BSN: variants seen among roughly 807,000 people sequenced by gnomAD.
The protein encoded by BSN is protein bassoon.
A neutral mutation model predicts 264.8 loss-of-function variants in BSN; 57 were observed. The observed-to-expected ratio is 0.22, with a 90% CI of 0.17 to 0.27. The LOEUF is 0.27. Among genes scored for constraint, BSN ranks in the 10% least tolerant of loss-of-function variants. The probability of loss-of-function intolerance (pLI) is 1.00; values close to 1 mark genes in which losing one functional copy is unlikely to be tolerated. For missense variants in BSN, 4,615 were observed against 5,232.5 expected (o/e 0.88, Z 3.64); for synonymous variants, 2,059 against 2,137.3 (o/e 0.96, Z 1.01).
rs778106224 is a variant in BSN, at chr3:49,651,898, T to C, written c.2342T>C (p.Leu781Pro). Reference protein sequence around the residue: ...FDSDEELEDILEEDEDSAEWR... With the variant: ...FDSDEELEDIPEEDEDSAEWR... ...TCTGATGAGGAGCTGGAGGATATCC[T>C]GGAGGAAGACGAAGACTCTGCTGAG... is the stretch of plus-strand genomic sequence containing the variant. Residue 781 changes from leucine (L) to proline (P), a missense_variant, in exon 5 of 12, where the codon CTG becomes CCG. Around this residue, in one of 3 missense-constraint regions of BSN, gnomAD observed 1,197 missense variants for 1,348.0 expected, o/e 0.89. Transcript: ENST00000296452. The surrounding 1 kb of genome is among the most constrained non-coding windows in gnomAD (Gnocchi z 5.4). 6.2e-7 allele frequency: 1 copy of C among 1,613,954 alleles called. No individual in the cohort carries two copies.
chr3:49,594,255 G>T (rs1343860262), intron 1 of BSN, among the ~76,000 whole-genome samples: 1 of 152,122 alleles, frequency 6.6e-6, no homozygotes, highest in Admixed American at 6.6e-5. Context: ...TATGCTTTTA[G>T]TATCAAGTCT....
At position 49,655,194 on chromosome 3, in the gene BSN, C is replaced by A; in HGVS notation, c.5638C>A (p.Pro1880Thr). 1 of 1,612,948 alleles carries A rather than the reference C, an allele frequency of 6.2e-7. No individual in the cohort carries two copies. Among genetic ancestry groups the A allele is most frequent in the Non-Finnish European group, 8.5e-7 (1 of 1,179,900 alleles). Reference sequence around the variant, plus strand: ...AGCAGGCACTGTGACCACACTGCTCCCAGAGGAGCCTGCGGGTGCCCTGGA... The same window carrying A: ...AGCAGGCACTGTGACCACACTGCTCACAGAGGAGCCTGCGGGTGCCCTGGA... ...GTAGTVTTLL[P>T]EEPAGALDLT... The change falls in exon 5 of 12, where the codon CCA becomes ACA. Residue 1880 changes from proline to threonine, a missense_variant. Coordinates refer to ENST00000296452, the MANE Select transcript of BSN (RefSeq NM_003458.4).
intron 1 of BSN, 134 bp from the exon 2 acceptor site, chr3:49,624,841 G>A: frequency 1.3e-6 from 1 of 793,888 alleles, no homozygotes; most frequent in South Asian, 2.3e-5. Flanking sequence ...AGCAAATGAG[G>A]GCCATGATGA....
rs540097175 is a variant in BSN, at chr3:49,653,852, T to A, written c.4296T>A (p.Thr1432=). 6.2e-7 allele frequency: 1 copy of A among 1,614,006 alleles called. No individual in the cohort carries two copies. Among genetic ancestry groups the A allele is most frequent in the South Asian group, 1.1e-5 (1 of 91,064 alleles). The stretch of plus-strand genomic sequence containing the variant: ...CCACTGCAAACTATGGGTCCCAAAC[T>A]GAGGATCTACCCCAGGCCCCCAGTG... The part of the protein sequence containing the change: ...SPTTANYGSQ[T]EDLPQAPSGL... The change falls in exon 5 of 12, where the codon ACT becomes ACA. Residue 1432 remains threonine, a synonymous_variant. Transcript: ENST00000296452. The surrounding 1 kb of genome is among the most constrained non-coding windows in gnomAD (Gnocchi z 6.3).
At position 49,657,151 on chromosome 3, in the gene BSN, C is replaced by T; in HGVS notation, c.7595C>T (p.Pro2532Leu). ...PREPVLHRGL[P>L]SSASDMSLQT... is the part of the protein sequence containing the mutation. ...GAGCCTGTGCTGCACCGGGGTCTCC[C>T]CAGCTCTGCCTCAGACATGTCACTG... Residue 2532 changes from proline to leucine, a missense_variant, in exon 5 of 12, where the codon CCC (proline) becomes CTC (leucine). Pro to Leu is a moderately conservative substitution (Grantham distance 98, BLOSUM62 -3). Coordinates refer to ENST00000296452, the MANE Select transcript of BSN (RefSeq NM_003458.4). 1 of 1,613,352 alleles carries T rather than the reference C, an allele frequency of 6.2e-7. No individual in the cohort carries two copies. Among genetic ancestry groups the T allele is most frequent in the East Asian group, 2.2e-5 (1 of 44,876 alleles).
At chr3:49,630,406 A>T (rs1458499821) in intron 2 of BSN, among the ~76,000 whole-genome samples, 1 of 152,226 alleles carries the variant, frequency 6.6e-6, no homozygotes, top group Non-Finnish European at 1.5e-5. Flanking sequence ...TAGAGTAGCC[A>T]CTTTGACCTA....
chr3:49,565,301 C>A (rs1391990127), intron 1 of BSN, among the ~76,000 whole-genome samples: 52 of 143,546 alleles, frequency 3.6e-4, no homozygotes, highest in African/African-American at 1.3e-3. Flanking sequence ...ACCCACCCAC[C>A]ACGCCCAGCT....
At chr3:49,664,778 T>G (rs766004808) in intron 9 of BSN, 21 bp from the exon 10 acceptor site, 2 of 1,613,870 alleles carry the variant, frequency 1.2e-6, no homozygotes, top group Admixed American at 1.7e-5. Context: ...CTGATGGCTC[T>G]CTCCTCTTTC....
intron 1 of BSN, among the ~76,000 whole-genome samples, chr3:49,574,637 T>C (rs1315445529): frequency 7.4e-6 from 1 of 135,032 alleles, no homozygotes; most frequent in Admixed American, 7.3e-5. Flanking sequence ...TTTCTTTTTT[T>C]TTTTTTTTTT....
At position 49,650,730 on chromosome 3, in the gene BSN, G is replaced by A. The variant is rs991962698; in HGVS notation, c.1637G>A (p.Arg546His). ...CAGCCCCCTGTAGGGGCCCCTCACCGTGCATCTGGAACATCCCCTCTGAAG... is the reference window on the plus strand; with the variant it reads ...CAGCCCCCTGTAGGGGCCCCTCACCATGCATCTGGAACATCCCCTCTGAAG... ...SQQPPVGAPH[R>H]ASGTSPLKQK... The change falls in exon 4 of 12, where the codon CGT becomes CAT. Residue 546 changes from arginine (R) to histidine (H), a missense_variant. Around this residue, in one of 3 missense-constraint regions of BSN, gnomAD observed 1,197 missense variants for 1,348.0 expected, o/e 0.89. Transcript: ENST00000296452. 8 of 1,613,238 alleles carry A rather than the reference G, an allele frequency of 5.0e-6. No individual in the cohort carries two copies. The highest frequency in any genetic ancestry group is 1.6e-4 in the Middle Eastern group (1 of 6,082).
At chr3:49,578,302 T>C (rs1217108156) in intron 1 of BSN, among the ~76,000 whole-genome samples, 2 of 152,152 alleles carry the variant, frequency 1.3e-5, no homozygotes, top group African/African-American at 2.4e-5. Context: ...AGTTACTCTT[T>C]TAAAAATATC....
chr3:49,591,297 T>C (rs1305351697), intron 1 of BSN, among the ~76,000 whole-genome samples: 1 of 152,208 alleles, frequency 6.6e-6, no homozygotes, highest in Non-Finnish European at 1.5e-5. Context: ...TACAGACACA[T>C]ACACACATTG....
rs1472485143 is a variant in BSN, at chr3:49,655,446, G to A, written c.5890G>A (p.Gly1964Arg). 1.3e-6 allele frequency: 2 copies of A among 1,573,692 alleles called. No individual in the cohort carries two copies. Among genetic ancestry groups the A allele is most frequent in the Non-Finnish European group, 1.7e-6 (2 of 1,159,082 alleles). ...CCGGGCACAGGGGGTGGTGGGGCCT[G>A]GGCCCCATGAGGAGCAGAGGCCCTA... Reference protein sequence around the residue: ...TYRAQGVVGPGPHEEQRPYPQ... With the variant: ...TYRAQGVVGPRPHEEQRPYPQ... The change falls in exon 5 of 12, where the codon GGG becomes AGG. Residue 1964 changes from glycine (G) to arginine (R), a missense_variant. By Grantham distance (125) the Gly-to-Arg change is moderately radical. This residue lies in a region of BSN where 3,415 missense variants were observed against 3,866.4 expected (regional missense o/e 0.88). Transcript: ENST00000296452.
At position 49,661,798 on chromosome 3, in the gene BSN, A is replaced by G. The variant is rs1259986314; in HGVS notation, c.9953A>G (p.His3318Arg). The change falls in exon 6 of 12, where the codon CAC becomes CGC. Residue 3318 changes from histidine to arginine, a missense_variant. His to Arg is a conservative substitution (Grantham distance 29). Coordinates refer to ENST00000296452, the MANE Select transcript of BSN (RefSeq NM_003458.4). The part of the protein sequence containing the change: ...MESNGRPAST[H>R]YYGDSDYRHG... ...AGCAATGGTCGACCAGCCAGTACCC[A>G]CTACTATGGTGACAGTGACTACAGG... The G allele has an allele frequency of 1.2e-6, 2 of 1,613,480 alleles. No individual in the cohort carries two copies. The highest frequency in any genetic ancestry group is 2.7e-5 in the African/African-American group (2 of 74,948).
intron 1 of BSN, among the ~76,000 whole-genome samples, chr3:49,555,993 G>A (rs2051667151): frequency 6.6e-6 from 1 of 152,324 alleles, no homozygotes; most frequent in East Asian, 1.9e-4. Flanking sequence ...TGAAACCTGC[G>A]GCAGACAGGT....
chr3:49,563,121 C>T (rs917285926), intron 1 of BSN, among the ~76,000 whole-genome samples: 2 of 152,180 alleles, frequency 1.3e-5, no homozygotes, highest in African/African-American at 4.8e-5. Context: ...TGTAGCAGCT[C>T]TAAATGAAGA....
In BSN at chr3:49,661,667, C is replaced by G. The variant is rs1173475895; in HGVS notation, c.9822C>G (p.Val3274=). ...GGAAGGAGCCTGGAGAACCAGGTGT[C>G]CTTGACGGGCCCACACTGCCCTGCT... ...RPGKEPGEPG[V]LDGPTLPCCY... Residue 3274 remains valine (V), a synonymous_variant, in exon 6 of 12, where the codon GTC becomes GTG. Coordinates refer to ENST00000296452, the MANE Select transcript of BSN (RefSeq NM_003458.4). 6.2e-7 allele frequency: 1 copy of G among 1,613,672 alleles called. No individual in the cohort carries two copies. Among genetic ancestry groups the G allele is most frequent in the Non-Finnish European group, 8.5e-7 (1 of 1,180,038 alleles).
Position 49,662,162 on chromosome 3 carries a change from G to A in BSN, c.10317G>A (p.Gly3439=). 8 of 1,612,614 alleles carry A rather than the reference G, an allele frequency of 5.0e-6. No homozygotes were observed. Among genetic ancestry groups the A allele is most frequent in the African/African-American group, 1.3e-5 (1 of 75,056 alleles). ...TGGAGGACGACCGCATTTATGGCGG[G>A]AGCAGCCGGTCCCGGGCACCTTCTG... ...DAVEDDRIYG[G]SSRSRAPSAY... Residue 3439 remains glycine (G), a synonymous_variant, in exon 6 of 12, where the codon GGG becomes GGA. Transcript: ENST00000296452.
chr3:49,605,413 ATTT>A (rs1346842077), intron 1 of BSN, among the ~76,000 whole-genome samples: 29 of 40,538 alleles, frequency 7.2e-4, no homozygotes, highest in African/African-American at 2.5e-3. Flanking sequence ...TATAATTTAT[ATTT>A]TATATTTATA....
Sources: gnomAD v4.1 joint callset for allele counts (sites outside exome capture counted in the v4.1 genomes callset) on GRCh38, gnomAD v4.1.1 for gene constraint, gnomAD v4.1.1 regional missense constraint, Gnocchi (gnomAD v3.1) non-coding constraint, MANE v1.5 for transcripts, NCBI Gene and HGNC (gene_info 2026-07-23, HGNC 2026-07-21) for gene names.